Variants in TNFRSF25 observed in about 807,000 individuals in gnomAD.
TNFRSF25 encodes tumor necrosis factor receptor superfamily member 25.
TNFRSF25 carries 28 observed loss-of-function variants against 49.4 expected under a neutral mutation model. That is an observed-to-expected ratio of 0.57 (90% CI 0.42 to 0.78). The LOEUF (loss-of-function observed/expected upper bound fraction) is 0.78. TNFRSF25 is among the 30% of genes least tolerant of loss of function. TNFRSF25 has a pLI of 0.00. For synonymous variants in TNFRSF25, 240 were observed against 234.2 expected (o/e 1.02, Z -0.23); for missense variants, 531 against 581.6 (o/e 0.91, Z 0.90).
In TNFRSF25 at chr1:6,461,010, G is replaced by A; in HGVS notation, c.*424C>T. The A allele has an allele frequency of 2.5e-6, 1 of 392,854 alleles. No individual in the cohort carries two copies. The highest frequency in any genetic ancestry group is 5.2e-6 in the Non-Finnish European group (1 of 193,746). 24.3% of individuals were successfully genotyped at this position (392,854 alleles called of 1,614,324 possible). ...TTGAGCCAGAGTGGACTCGGGAGGG[G>A]CAGGCTTGGGAGCTAAGGCCACACT... On this transcript the variant is annotated 3_prime_UTR_variant, in exon 10 of 10. Transcript: ENST00000356876. The surrounding 1 kb of genome is among the most constrained non-coding windows in gnomAD (Gnocchi z 6.3).
intron 1 of TNFRSF25, 169 bp downstream of exon 1, chr1:6,465,898 CCT>C: frequency 7.0e-7 from 1 of 1,424,146 alleles, no homozygotes. Flanking sequence ...GGAGGGGTTT[CCT>C]CTCAGTGGAA....
Position 6,462,281 on chromosome 1 carries a change from C to A in TNFRSF25, c.745-107G>T, listed in dbSNP as rs1644198871. The stretch of plus-strand genomic sequence containing the variant: ...GTCCCTGGTTCAGTCAGCAGACACC[C>A]CCGCAATGACACCTCCCACAGTTGG... On this transcript the variant is annotated intron_variant, in intron 8 of 9. Transcript: ENST00000356876. This position sits in a 1 kb window ranked among gnomAD's most constrained non-coding sequence, Gnocchi z 4.2. 2 of 1,390,882 alleles carry A rather than the reference C, an allele frequency of 1.4e-6. No individual in the cohort carries two copies. Among genetic ancestry groups the A allele is most frequent in the South Asian group, 1.4e-5 (1 of 70,844 alleles). 86.2% of individuals were successfully genotyped at this position (1,390,882 alleles called of 1,614,324 possible). A position where few individuals can be genotyped will look rare whatever the true frequency, so the allele number is the denominator to read the frequency against.
intron 5 of TNFRSF25, 99 bp from the exon 6 acceptor site, chr1:6,463,226 TC>T: frequency 1.7e-6 from 2 of 1,194,796 alleles, no homozygotes; most frequent in South Asian, 1.4e-5. Context: ...GACCCTTCCC[TC>T]CCCAGGCCTC....
chr1:6,465,693 G>T, intron 1 of TNFRSF25, 133 bp from the exon 2 acceptor site: 2 of 1,453,056 alleles, frequency 1.4e-6, no homozygotes, highest in East Asian at 2.5e-5. Flanking sequence ...GGCAGAAGGG[G>T]TGCCCATGGG....
At chr1:6,463,454 CG>C (rs1557726613) in intron 5 of TNFRSF25, 1 of 336,508 alleles carries the variant, frequency 3.0e-6, no homozygotes, top group African/African-American at 2.1e-5. Flanking sequence ...AGGCCGGGCG[CG>C]GTGGCTCATG....
chr1:6,461,958 A>C lies in TNFRSF25; in HGVS notation c.925+36T>G. ...ACAACTTCCCACCGCAGACAGGAGA[A>C]TGGGGTCAAGGCCTCAGGCCACTGA... On this transcript the variant is annotated intron_variant, in intron 9 of 9. Coordinates refer to ENST00000356876, the MANE Select transcript of TNFRSF25 (RefSeq NM_003790.3). This position sits in a 1 kb window ranked among gnomAD's most constrained non-coding sequence, Gnocchi z 6.3. 1 of 1,567,820 alleles carries C rather than the reference A, an allele frequency of 6.4e-7. No individual in the cohort carries two copies. Among genetic ancestry groups the C allele is most frequent in the Non-Finnish European group, 8.6e-7 (1 of 1,159,606 alleles).
rs1644189831 is a variant in TNFRSF25, at chr1:6,462,016, G to A, written c.903C>T (p.Asp301=). 6.2e-7 allele frequency: 1 copy of A among 1,611,760 alleles called. No homozygotes were observed. The highest frequency in any genetic ancestry group is 1.3e-5 in the African/African-American group (1 of 74,824). The change falls in exon 9 of 10, where the codon GAC becomes GAT. Residue 301 remains aspartate, a synonymous_variant. Transcript: ENST00000356876. This position sits in a 1 kb window ranked among gnomAD's most constrained non-coding sequence, Gnocchi z 4.2. ...TACCAAGAGCTCTGCTGGGCAACTG[G>A]TCCCAGGACCATGTCACCTGCGGGC... ...ALCPQVTWSW[D]QLPSRALGPA... is the part of the protein sequence containing the mutation.
Position 6,461,727 on chromosome 1 carries a change from G to A in TNFRSF25, c.961C>T (p.Pro321Ser), listed in dbSNP as rs1199342040. ...AAAPTLSPES[P>S]AGSPAMMLQP... is the part of the protein sequence containing the mutation. ...AGCATCATGGCTGGCGAGCCGGCTGGGGACTCTGGCGAGAGTGTGGGCGCA... is the reference window on the plus strand; with the variant it reads ...AGCATCATGGCTGGCGAGCCGGCTGAGGACTCTGGCGAGAGTGTGGGCGCA... Residue 321 changes from proline to serine, a missense_variant, in exon 10 of 10, where the codon CCA becomes TCA. Pro to Ser is a moderately conservative substitution (Grantham distance 74). Transcript: ENST00000356876. This position sits in a 1 kb window ranked among gnomAD's most constrained non-coding sequence, Gnocchi z 6.3. 6.5e-7 allele frequency: 1 copy of A among 1,549,136 alleles called. No homozygotes were observed. The highest frequency in any genetic ancestry group is 1.4e-5 in the African/African-American group (1 of 73,552).
chr1:6,462,443 C>T lies in TNFRSF25; in HGVS notation c.744+186G>A. The T allele has an allele frequency of 7.1e-7, 1 of 1,406,924 alleles. No homozygotes were observed. Among genetic ancestry groups the T allele is most frequent in the Non-Finnish European group, 9.4e-7 (1 of 1,062,272 alleles). 87.2% of individuals were successfully genotyped at this position (1,406,924 alleles called of 1,614,324 possible). ...TAGCTCCTGTGTACGAATCTGAACT[C>T]CAGCTGACTGAGCACCCCTTGAGGG... is the stretch of plus-strand genomic sequence containing the variant. On this transcript the variant is annotated intron_variant, in intron 8 of 9. Coordinates refer to ENST00000356876, the MANE Select transcript of TNFRSF25 (RefSeq NM_003790.3). The surrounding 1 kb of genome is among the most constrained non-coding windows in gnomAD (Gnocchi z 4.2).
rs1296166147 is a variant in TNFRSF25 at position 6,466,097 on chromosome 1, C to T, written c.11G>A (p.Arg4Gln). MEQRPRGCAAVAAA... is the reference protein window; with the variant it reads MEQQPRGCAAVAAA... ...CGCCACCGCCGCGCAGCCCCGCGGC[C>T]GCTGCTCCATAGCCCTCCGACGGGC... is the stretch of plus-strand genomic sequence containing the variant. The change falls in exon 1 of 10, where the codon CGG becomes CAG. Residue 4 changes from arginine (R) to glutamine (Q), a missense_variant. By Grantham distance (43) the Arg-to-Gln change is conservative (BLOSUM62 1). Coordinates refer to ENST00000356876, the MANE Select transcript of TNFRSF25 (RefSeq NM_003790.3). 4 of 1,572,224 alleles carry T rather than the reference C, an allele frequency of 2.5e-6. No homozygotes were observed. The highest frequency in any genetic ancestry group is 1.2e-5 in the South Asian group (1 of 86,766).
chr1:6,461,988 C>T lies in TNFRSF25; in HGVS notation c.925+6G>A. 2.5e-6 allele frequency: 4 copies of T among 1,602,658 alleles called. No homozygotes were observed. The highest frequency in any genetic ancestry group is 3.4e-6 in the Non-Finnish European group (4 of 1,175,764). On this transcript the variant is annotated splice_donor_region_variant and intron_variant, in intron 9 of 9. Coordinates refer to ENST00000356876, the MANE Select transcript of TNFRSF25 (RefSeq NM_003790.3). The surrounding 1 kb of genome is among the most constrained non-coding windows in gnomAD (Gnocchi z 6.3). ...GTCAAGGCCTCAGGCCACTGATGTC[C>T]CTTACCAAGAGCTCTGCTGGGCAAC...
At chr1:6,463,954 A>T (rs563816480) in intron 5 of TNFRSF25, 32 of 189,858 alleles carry the variant, frequency 1.7e-4, no homozygotes, top group Middle Eastern at 5.3e-3. Context: ...AATATTTAAT[A>T]TTTAATAGAT....
chr1:6,465,505 C>T lies in TNFRSF25; in HGVS notation c.95G>A (p.Arg32Lys), dbSNP rs150614037. Residue 32 changes from arginine (R) to lysine (K), a missense_variant, in exon 2 of 10, where the codon AGG becomes AAG. Arg to Lys is a conservative substitution (Grantham distance 26, BLOSUM62 2). Coordinates refer to ENST00000356876, the MANE Select transcript of TNFRSF25 (RefSeq NM_003790.3). ...ARAQGGTRSP[R>K]CDCAGDFHKK... ...GTGGAAGTCACCGGCACAGTCACACCTGGGGCTACGAGTGCCGCCCTGGGC... is the reference window on the plus strand; with the variant it reads ...GTGGAAGTCACCGGCACAGTCACACTTGGGGCTACGAGTGCCGCCCTGGGC... The T allele has an allele frequency of 1.2e-4, 199 of 1,613,766 alleles. No homozygotes were observed. The highest frequency in any genetic ancestry group is 2.7e-4 in the Admixed American group (16 of 60,006).
intron 1 of TNFRSF25, 70 bp downstream of exon 1, chr1:6,465,999 G>C: frequency 1.3e-6 from 2 of 1,524,636 alleles, no homozygotes; most frequent in Non-Finnish European, 1.8e-6. Context: ...CGCGCCCGGG[G>C]CCCCTTCCTT....
intron 1 of TNFRSF25, 129 bp from the exon 2 acceptor site, chr1:6,465,689 A>AGGGGTGCCCAT: frequency 6.8e-7 from 1 of 1,462,374 alleles, no homozygotes; most frequent in South Asian, 1.4e-5. Context: ...CCCGGGCAGA[A>AGGGGTGCCCAT]GGGGTGCCCA....
rs199501127 is a variant in TNFRSF25, at chr1:6,461,418, G to A, written c.*16C>T. ...CAAGGGCCACCAGAGCGCCTAGGTG[G>A]CAAGTGGGCGCCGTGTCACGGGCCG... On this transcript the variant is annotated 3_prime_UTR_variant, in exon 10 of 10. Transcript: ENST00000356876. The surrounding 1 kb of genome is among the most constrained non-coding windows in gnomAD (Gnocchi z 6.3). 34 of 1,486,642 alleles carry A rather than the reference G, an allele frequency of 2.3e-5. No homozygotes were observed. In the East Asian group the frequency reaches 6.6e-4, roughly 29 times the overall value. The allele number at this position is 1,486,642 out of a possible 1,614,324, so 92.1% of individuals were successfully genotyped here.
In TNFRSF25 at chr1:6,462,278, AC is replaced by A; in HGVS notation, c.745-105del. ...ACAGTCCCTGGTTCAGTCAGCAGACACCCCCGCAATGACACCTCCCACAGTT... is the reference window on the plus strand; with the variant it reads ...ACAGTCCCTGGTTCAGTCAGCAGACACCCCGCAATGACACCTCCCACAGTT... On this transcript the variant is annotated intron_variant, in intron 8 of 9. Transcript: ENST00000356876. The surrounding 1 kb of genome is among the most constrained non-coding windows in gnomAD (Gnocchi z 4.2). 1 of 1,421,788 alleles carries A rather than the reference AC, an allele frequency of 7.0e-7. No homozygotes were observed. Among genetic ancestry groups the A allele is most frequent in the South Asian group, 1.4e-5 (1 of 71,332 alleles). 88.1% of individuals were successfully genotyped at this position (1,421,788 alleles called of 1,614,324 possible).
At chr1:6,464,137 TG>T (rs1557727210) in intron 5 of TNFRSF25, 6 of 1,392,926 alleles carry the variant, frequency 4.3e-6, no homozygotes, top group South Asian at 1.5e-5. Flanking sequence ...CTAGGATCGC[TG>T]GGGGGAATGC....
At chr1:6,464,214 C>T (rs1328511353) in intron 5 of TNFRSF25, 161 bp downstream of exon 5, 1 of 1,475,712 alleles carries the variant, frequency 6.8e-7, no homozygotes, top group Non-Finnish European at 9.0e-7. Flanking sequence ...GCTCTTTTGC[C>T]ATCTAAGTTT....
Sources: gnomAD v4.1 joint callset for allele counts on GRCh38, gnomAD v4.1.1 for gene constraint, Gnocchi (gnomAD v3.1) non-coding constraint, MANE v1.5 for transcripts, NCBI Gene and HGNC (gene_info 2026-07-23, HGNC 2026-07-21) for gene names.